ANKFN1: variants seen among roughly 807,000 people sequenced by gnomAD.
The protein encoded by ANKFN1 is ankyrin repeat and fibronectin type III domain containing 1.
In ANKFN1, 74 loss-of-function variants were observed where a neutral mutation model predicts 108.7. That is an observed-to-expected ratio of 0.68 (90% CI 0.56 to 0.83). ANKFN1 has a LOEUF of 0.83. Among genes scored for constraint, ANKFN1 ranks in the 40% least tolerant of loss-of-function variants. The probability of loss-of-function intolerance (pLI) is 0.00; values close to 1 mark genes in which losing one functional copy is unlikely to be tolerated. For missense variants in ANKFN1, 1,505 were observed against 1,382.3 expected, an observed-to-expected ratio of 1.09 and a Z score of -1.41; for synonymous variants, 547 against 516.2, an observed-to-expected ratio of 1.06 and a Z score of -0.81.
chr17:56,180,858 T>C (rs1177317064), intron 1 of ANKFN1, among the ~76,000 whole-genome samples: 1 of 152,230 alleles, frequency 6.6e-6, no homozygotes, highest in Non-Finnish European at 1.5e-5. Context: ...CAGTTCTTTA[T>C]TGAAAGTTTC....
chr17:56,437,122 A>G (rs558957060), intron 8 of ANKFN1, among the ~76,000 whole-genome samples: 1 of 152,332 alleles, frequency 6.6e-6, no homozygotes, highest in South Asian at 2.1e-4. Context: ...AAATCTAATT[A>G]GACTTAACTG....
intron 1 of ANKFN1, among the ~76,000 whole-genome samples, chr17:56,189,179 T>TTTTTTTTTTG (rs1555607727): frequency 6.3e-5 from 7 of 111,378 alleles, no homozygotes; most frequent in South Asian, 5.9e-4. Context: ...ACTTTTTTTT[T>TTTTTTTTTTG]TTTTTTTTTG....
At chr17:56,068,844 G>A (rs1176288546) in intron 4 of ANKFN1, among the ~76,000 whole-genome samples, 1 of 152,174 alleles carries the variant, frequency 6.6e-6, no homozygotes, top group African/African-American at 2.4e-5. Context: ...GAGAGTAGGT[G>A]TTAAATACAG....
At chr17:56,250,313 C>T (rs921205949) in intron 3 of ANKFN1, among the ~76,000 whole-genome samples, 1 of 152,172 alleles carries the variant, frequency 6.6e-6, no homozygotes, top group African/African-American at 2.4e-5. Context: ...ATGAGCACTA[C>T]AATCCACTGC....
At chr17:56,412,540 G>A (rs2048122503) in intron 8 of ANKFN1, among the ~76,000 whole-genome samples, 1 of 152,186 alleles carries the variant, frequency 6.6e-6, no homozygotes, top group Admixed American at 6.5e-5. Context: ...GATAAAAGCA[G>A]GCAGAGGAAT....
chr17:56,432,737 G>A (rs1287228214), intron 8 of ANKFN1, among the ~76,000 whole-genome samples: 1 of 152,216 alleles, frequency 6.6e-6, no homozygotes, highest in Non-Finnish European at 1.5e-5. Context: ...TGACTGCTTG[G>A]TAACTGACCT....
intron 8 of ANKFN1, among the ~76,000 whole-genome samples, chr17:56,387,054 CTTTTA>C (rs1394532845): frequency 1.3e-5 from 2 of 151,746 alleles, no homozygotes; most frequent in Non-Finnish European, 2.9e-5. Flanking sequence ...TGTGCCTTTT[CTTTTA>C]TAATTGTTGA....
Position 56,513,284 on chromosome 17 carries a change from A to C in ANKFN1, c.*2015A>C, listed in dbSNP as rs968893840. 1.3e-5 allele frequency among the ~76,000 whole-genome samples: 2 copies of C among 152,324 alleles called. No individual in the cohort carries two copies. The highest frequency in any genetic ancestry group is 2.9e-5 in the Non-Finnish European group (2 of 68,026). On this transcript the variant is annotated 3_prime_UTR_variant, in exon 21 of 21. Transcript: ENST00000682825. ...TGATTTCAAATTCAACCTTTACCTA[A>C]CAAGTTTCCAATATTACAGAGCTGC... is the stretch of plus-strand genomic sequence containing the variant.
rs189831067 is a variant in ANKFN1 at position 56,460,147 on chromosome 17, T to A, written c.1557+2168T>A. Among the ~76,000 whole-genome samples, 52 of 152,238 alleles carry A rather than the reference T, an allele frequency of 3.4e-4. 2 individuals carry two copies. The highest frequency in any genetic ancestry group is 3.1e-3 in the Admixed American group (48 of 15,284). On this transcript the variant is annotated intron_variant, in intron 14 of 20. Transcript: ENST00000682825. ...ACGTAATGTTAGTGGTCCAATTTCCTTTCTCTACTAAATTTGCTTTCTCAC... is the reference window on the plus strand; with the variant it reads ...ACGTAATGTTAGTGGTCCAATTTCCATTCTCTACTAAATTTGCTTTCTCAC...
At chr17:56,119,017 GGT>G (rs1438797718) in intron 4 of ANKFN1, among the ~76,000 whole-genome samples, 3 of 152,086 alleles carry the variant, frequency 2.0e-5, no homozygotes, top group Admixed American at 6.6e-5. Flanking sequence ...GAGGTGAAAA[GGT>G]GGGTATAAGA....
rs140387822 is a variant in ANKFN1 at position 56,095,341 on chromosome 17, A to C, written c.288+49016A>C. On this transcript the variant is annotated intron_variant, in intron 4 of 12. Coordinates refer to the ANKFN1 transcript ENST00000635860. ...TGGTCTTATTCAGGGTCTCAGGCTAAAGGGAAGTGTTGGAATCATAGCTCA... is the reference window on the plus strand; with the variant it reads ...TGGTCTTATTCAGGGTCTCAGGCTACAGGGAAGTGTTGGAATCATAGCTCA... Among the ~76,000 whole-genome samples the C allele has an allele frequency of 2.3e-3, 348 of 150,178 alleles. 11 individuals carry two copies. The highest frequency in any genetic ancestry group is 8.2e-3 in the African/African-American group (335 of 40,842).
intron 3 of ANKFN1, among the ~76,000 whole-genome samples, chr17:56,269,616 G>A (rs960012193): frequency 2.6e-5 from 4 of 152,172 alleles, no homozygotes; most frequent in Admixed American, 2.6e-4. Context: ...AAAAAAGTCT[G>A]TGAACTTCTT....
intron 4 of ANKFN1, among the ~76,000 whole-genome samples, chr17:56,116,987 T>C (rs1906321681): frequency 6.6e-6 from 1 of 152,168 alleles, no homozygotes; most frequent in Non-Finnish European, 1.5e-5. Context: ...TATCTGTATG[T>C]ATGTTCTTCT....
rs573550104 is a variant in ANKFN1 at position 56,419,498 on chromosome 17, G to C, written c.911-20829G>C. On this transcript the variant is annotated intron_variant, in intron 8 of 20. Coordinates refer to ENST00000682825, the MANE Select transcript of ANKFN1 (RefSeq NM_001370326.1). ...AACTCCATCTCAAAAAAAAAAAAAA[G>C]AGATATAAATTTGGGTCAAGTATGA... Among the ~76,000 whole-genome samples the C allele has an allele frequency of 2.7e-5, 4 of 145,556 alleles. No individual in the cohort carries two copies. The East Asian group carries it at 8.3e-4, about 30-fold the overall frequency.
intron 8 of ANKFN1, among the ~76,000 whole-genome samples, chr17:56,433,034 C>T (rs1030603625): frequency 3.9e-5 from 6 of 151,926 alleles, no homozygotes; most frequent in East Asian, 1.9e-4. Flanking sequence ...TATACATATG[C>T]GTATAATCAC....
intron 15 of ANKFN1, among the ~76,000 whole-genome samples, chr17:56,467,850 GAA>G (rs56007643): frequency 0.19 from 4,379 of 23,310 alleles, 259 homozygotes; most frequent in African/African-American, 0.29. Context: ...AAGAAAGAAA[GAA>G]AAAGGGAAAG....
chr17:56,057,053 A>G (rs1331467158), intron 4 of ANKFN1, among the ~76,000 whole-genome samples: 2 of 152,250 alleles, frequency 1.3e-5, no homozygotes, highest in African/African-American at 4.8e-5. Flanking sequence ...CATCTTCACT[A>G]GGAGTAAATT....
rs1422736831 is a variant in ANKFN1, at chr17:56,510,558, C to T, written c.2730C>T (p.Ser910=). The T allele has an allele frequency of 2.0e-6, 3 of 1,536,170 alleles. No homozygotes were observed. The highest frequency in any genetic ancestry group is 2.6e-6 in the Non-Finnish European group (3 of 1,146,888). Residue 910 remains serine, a synonymous_variant, in exon 21 of 21, where the codon AGC becomes AGT. Transcript: ENST00000682825. ...ACTACGACTCCAGCGATGCCCTGAG[C>T]CCCAGAGACCTGGACCTGGTCTACC... is the stretch of plus-strand genomic sequence containing the variant. ...NSDYDSSDAL[S]PRDLDLVYLS... is the part of the protein sequence containing the mutation.
At chr17:56,225,948 T>A (rs1468135821) in intron 2 of ANKFN1, among the ~76,000 whole-genome samples, 1 of 152,242 alleles carries the variant, frequency 6.6e-6, no homozygotes, top group Non-Finnish European at 1.5e-5. Context: ...GATAATTTTC[T>A]TTGTGAATAC....
Sources: gnomAD v4.1 joint callset for allele counts (sites outside exome capture counted in the v4.1 genomes callset) on GRCh38, gnomAD v4.1.1 for gene constraint, MANE v1.5 for transcripts, NCBI Gene and HGNC (gene_info 2026-07-23, HGNC 2026-07-21) for gene names.